Variants in SYCP2L observed in about 807,000 individuals in gnomAD.
SYCP2L encodes synaptonemal complex protein 2 like, also known as synaptonemal complex protein 2-like.
In SYCP2L, 98 loss-of-function variants were observed where a neutral mutation model predicts 125.8. The ratio of observed to expected loss-of-function variants is 0.78; its 90% CI spans 0.66 to 0.92. SYCP2L has a LOEUF of 0.92. Ranked by LOEUF, SYCP2L falls within the 40% of genes least tolerant of loss-of-function variation. The probability of loss-of-function intolerance (pLI) is 0.00; values close to 1 mark genes in which losing one functional copy is unlikely to be tolerated. For missense variants in SYCP2L, 842 were observed against 936.4 expected, an observed-to-expected ratio of 0.90 and a Z score of 1.32; for synonymous variants, 317 against 325.4, an observed-to-expected ratio of 0.97 and a Z score of 0.28.
intron 21 of SYCP2L, among the ~76,000 whole-genome samples, chr6:10,935,494 A>AT (rs1341799901): frequency 6.6e-6 from 1 of 151,538 alleles, no homozygotes; most frequent in Non-Finnish European, 1.5e-5. Flanking sequence ...AATAGTAAAT[A>AT]TTTTTTGCTT....
At chr6:10,894,238 G>C (rs1388966439) in intron 4 of SYCP2L, 34 bp downstream of exon 4, 1 of 1,604,484 alleles carries the variant, frequency 6.2e-7, no homozygotes, top group East Asian at 2.2e-5. Context: ...TATGGCTTTG[G>C]GTAACTTAGA....
At chr6:10,926,236 C>T in intron 15 of SYCP2L, 103 bp from the exon 16 acceptor site, 1 of 835,548 alleles carries the variant, frequency 1.2e-6, no homozygotes, top group South Asian at 1.6e-5. Flanking sequence ...TGACTAACTT[C>T]TGATTTATCA....
chr6:10,890,160 G>A lies in SYCP2L; in HGVS notation c.10-1353G>A, dbSNP rs144582104. ...CCATATCTTGGCTATTATGAATAGC[G>A]CTGCAGTAAACATGGGAGTGCAGAT... On this transcript the variant is annotated intron_variant, in intron 1 of 29. Coordinates refer to ENST00000283141, the MANE Select transcript of SYCP2L (RefSeq NM_001040274.3). 2.4e-3 allele frequency among the ~76,000 whole-genome samples: 364 copies of A among 152,254 alleles called. 1 individual carries two copies. Among genetic ancestry groups the A allele is most frequent in the Non-Finnish European group, 4.4e-3 (299 of 68,024 alleles).
At chr6:10,955,897 T>G (rs9393804) in intron 24 of SYCP2L, among the ~76,000 whole-genome samples, 42,328 of 152,080 alleles carry the variant, frequency 0.28, 5,979 homozygotes, top group Middle Eastern at 0.32. Flanking sequence ...TAGAACCTAT[T>G]ACAACACCTT....
intron 19 of SYCP2L, 56 bp downstream of exon 19, chr6:10,930,570 G>T (rs1473636035): frequency 2.6e-6 from 4 of 1,545,550 alleles, no homozygotes; most frequent in Non-Finnish European, 2.6e-6. Context: ...TTTCAAATCA[G>T]ATATTTATTT....
At chr6:10,887,213 GGT>G in intron 1 of SYCP2L, 78 bp downstream of exon 1, 1 of 1,594,152 alleles carries the variant, frequency 6.3e-7, no homozygotes, top group African/African-American at 1.3e-5. Context: ...CTGGGGCTCA[GGT>G]TCTGCCGCCT....
At chr6:10,894,393 A>G (rs1780224164) in intron 4 of SYCP2L, among the ~76,000 whole-genome samples, 189 bp downstream of exon 4, 1 of 152,232 alleles carries the variant, frequency 6.6e-6, no homozygotes, top group African/African-American at 2.4e-5. Flanking sequence ...TGTACCTGCT[A>G]TAGAAGGCAC....
intron 19 of SYCP2L, among the ~76,000 whole-genome samples, chr6:10,931,044 G>A (rs779440923): frequency 2.6e-5 from 4 of 152,194 alleles, no homozygotes; most frequent in Admixed American, 6.5e-5. Flanking sequence ...GGTGGTGTGC[G>A]CCTGTGGTCC....
intron 4 of SYCP2L, among the ~76,000 whole-genome samples, chr6:10,895,718 C>G (rs375556000): frequency 6.6e-6 from 1 of 152,098 alleles, no homozygotes; most frequent in Non-Finnish European, 1.5e-5. Context: ...GAACTCCCAA[C>G]CTCAGATGAT....
chr6:10,959,881 AAAAG>A (rs1318080258), intron 26 of SYCP2L, among the ~76,000 whole-genome samples: 41 of 151,606 alleles, frequency 2.7e-4, no homozygotes, highest in South Asian at 4.2e-4. Context: ...AAAAAAAAAA[AAAAG>A]AAAGAAAGAA....
intron 6 of SYCP2L, among the ~76,000 whole-genome samples, chr6:10,899,880 C>G (rs1780348548): frequency 6.6e-6 from 1 of 152,162 alleles, no homozygotes; most frequent in African/African-American, 2.4e-5. Flanking sequence ...CAGTTGCTGT[C>G]TTTAAAACTG....
chr6:10,958,813 A>C lies in SYCP2L; in HGVS notation c.2193A>C (p.Ser731=). ...GGTACAGAAAGCGTCCGTTTAATTC[A>C]GAAAATGCAAAGAAAGCACCGGATT... The part of the protein sequence containing the change: ...ELRYRKRPFN[S]ENAKKAPDCL... Residue 731 remains serine (S), a synonymous_variant, in exon 26 of 30, where the codon TCA becomes TCC. Transcript: ENST00000283141. The C allele has an allele frequency of 6.2e-7, 1 of 1,613,810 alleles. No individual in the cohort carries two copies. The highest frequency in any genetic ancestry group is 8.5e-7 in the Non-Finnish European group (1 of 1,179,918).
At chr6:10,961,869 AAGT>A (rs1781599744) in intron 28 of SYCP2L, among the ~76,000 whole-genome samples, 1 of 152,204 alleles carries the variant, frequency 6.6e-6, no homozygotes, top group African/African-American at 2.4e-5. Context: ...TTAGGTTTCT[AAGT>A]AAACAGTTTT....
At chr6:10,931,018 A>G (rs1005104884) in intron 19 of SYCP2L, among the ~76,000 whole-genome samples, 4 of 152,132 alleles carry the variant, frequency 2.6e-5, no homozygotes, top group African/African-American at 7.2e-5. Context: ...AGAAAATTAA[A>G]ACATTAGCTG....
intron 14 of SYCP2L, chr6:10,922,752 G>A (rs1377834539): frequency 6.6e-6 from 1 of 152,092 alleles, no homozygotes; most frequent in East Asian, 1.9e-4. Flanking sequence ...AGATCATGGA[G>A]GCTTACTCTA....
intron 23 of SYCP2L, among the ~76,000 whole-genome samples, chr6:10,945,724 C>T (rs905311477): frequency 5.2e-5 from 7 of 135,198 alleles, no homozygotes; most frequent in Admixed American, 4.3e-4. Flanking sequence ...GAGCCAAGAT[C>T]GTGCCATGGC....
chr6:10,902,477 G>A (rs182661673), intron 6 of SYCP2L, among the ~76,000 whole-genome samples, 200 bp from the exon 7 acceptor site: 24 of 152,260 alleles, frequency 1.6e-4, no homozygotes, highest in African/African-American at 5.8e-4. Flanking sequence ...AAATAAACGC[G>A]TGTATGCGTG....
intron 14 of SYCP2L, among the ~76,000 whole-genome samples, chr6:10,913,419 A>T (rs1416433647): frequency 6.6e-6 from 1 of 152,192 alleles, no homozygotes; most frequent in African/African-American, 2.4e-5. Flanking sequence ...TGTAACTAGT[A>T]GTTAGGATCA....
At chr6:10,962,215 C>T (rs1023033641) in intron 28 of SYCP2L, among the ~76,000 whole-genome samples, 8 of 142,546 alleles carry the variant, frequency 5.6e-5, no homozygotes, top group African/African-American at 2.0e-4. Context: ...AATTGAGAAT[C>T]AGCTGCTTTC....
Sources: allele counts gnomAD v4.1 joint callset (sites outside exome capture counted in the v4.1 genomes callset), GRCh38; gene constraint gnomAD v4.1.1; transcripts MANE v1.5; gene names NCBI Gene and HGNC (gene_info 2026-07-23, HGNC 2026-07-21).